Variants in ACTR3C observed in about 807,000 individuals in gnomAD.
ACTR3C encodes the protein actin-related protein 3C.
A neutral mutation model predicts 26.3 loss-of-function variants in ACTR3C; 18 were observed. The observed-to-expected ratio is 0.68, with a 90% CI of 0.47 to 1.01. The LOEUF (loss-of-function observed/expected upper bound fraction) is 1.01, where lower values mean the gene tolerates loss of function less well. Ranked by LOEUF, ACTR3C falls within the 50% of genes least tolerant of loss-of-function variation. The pLI, the probability that ACTR3C is intolerant of heterozygous loss-of-function variation, is 0.00. For synonymous variants in ACTR3C, 55 were observed against 94.5 expected (o/e 0.58, Z 2.42); for missense variants, 184 against 250.7 (o/e 0.73, Z 1.80).
At chr7:149,908,386 C>T in the ACTR3C span, among the ~76,000 whole-genome samples, 11 of 152,084 alleles carry the variant, frequency 7.2e-5, no homozygotes, top group African/African-American at 1.7e-4. Flanking sequence ...GGCAGCAGAG[C>T]GTTTAGATCT....
chr7:150,190,073 G>GT, the ACTR3C span, among the ~76,000 whole-genome samples: 1 of 152,180 alleles, frequency 6.6e-6, no homozygotes, highest in African/African-American at 2.4e-5. Flanking sequence ...TCAGCTTGTT[G>GT]TTTTGTTGTT....
the ACTR3C span, among the ~76,000 whole-genome samples, chr7:150,049,607 A>C: frequency 1.3e-5 from 2 of 152,384 alleles, no homozygotes; most frequent in African/African-American, 4.8e-5. Flanking sequence ...CATTGCCCCA[A>C]GCCCAGAGAG....
chr7:150,282,307 G>A (rs1020745060), intron 6 of ACTR3C, among the ~76,000 whole-genome samples: 6 of 151,952 alleles, frequency 3.9e-5, no homozygotes, highest in African/African-American at 1.5e-4. Flanking sequence ...CACACCAGAC[G>A]TGAACCACGT....
intron 6 of ACTR3C, among the ~76,000 whole-genome samples, chr7:150,250,754 G>A (rs2087440105): frequency 6.6e-6 from 1 of 151,892 alleles, no homozygotes; most frequent in Admixed American, 6.5e-5. Flanking sequence ...CACTAATTGA[G>A]GTGAAGAAGA....
the ACTR3C span, chr7:150,047,577 G>A: frequency 8.2e-6 from 8 of 973,976 alleles, no homozygotes; most frequent in Non-Finnish European, 9.8e-6. Context: ...CGGAGCCCCC[G>A]CCGCCGTCCC....
At chr7:150,306,755 C>G (rs1344726499) in intron 1 of ACTR3C, among the ~76,000 whole-genome samples, 1 of 152,180 alleles carries the variant, frequency 6.6e-6, no homozygotes, top group East Asian at 1.9e-4. Flanking sequence ...TTCTAGGTGT[C>G]TATCCTAGAA....
At chr7:150,235,355 G>C in the ACTR3C span, among the ~76,000 whole-genome samples, 3 of 152,096 alleles carry the variant, frequency 2.0e-5, no homozygotes, top group South Asian at 6.2e-4. Flanking sequence ...TTCCTCCATC[G>C]CTGCCCATTC....
At chr7:149,898,438 G>A in the ACTR3C span, among the ~76,000 whole-genome samples, 18 of 152,204 alleles carry the variant, frequency 1.2e-4, no homozygotes, top group Non-Finnish European at 2.2e-4. Flanking sequence ...GGGCGCAGTG[G>A]CTCACGCCTG....
chr7:150,006,391 G>A, the ACTR3C span, among the ~76,000 whole-genome samples: 1 of 147,448 alleles, frequency 6.8e-6, no homozygotes, highest in South Asian at 2.2e-4. Context: ...TAGAGACGGG[G>A]TTTCACTGTG....
chr7:150,194,142 G>A, the ACTR3C span, among the ~76,000 whole-genome samples: 19 of 149,014 alleles, frequency 1.3e-4, no homozygotes, highest in Admixed American at 2.7e-4. Flanking sequence ...TTAGGTGCAC[G>A]CATACATAGT....
chr7:150,220,713 G>C, the ACTR3C span, among the ~76,000 whole-genome samples: 4 of 152,280 alleles, frequency 2.6e-5, no homozygotes, highest in African/African-American at 9.6e-5. Context: ...AAGGGGTGGG[G>C]AAACCCGCGA....
the ACTR3C span, among the ~76,000 whole-genome samples, chr7:150,122,976 C>T: frequency 6.7e-6 from 1 of 149,816 alleles, no homozygotes; most frequent in Non-Finnish European, 1.5e-5. Flanking sequence ...TCTCAGCAAA[C>T]AAACAGGAAC....
the ACTR3C span, among the ~76,000 whole-genome samples, chr7:149,975,580 C>G: frequency 1.3e-5 from 2 of 151,902 alleles, no homozygotes; most frequent in East Asian, 3.9e-4. Flanking sequence ...ACATAGAGAA[C>G]AGAAAAACAG....
At chr7:150,089,415 C>T in the ACTR3C span, among the ~76,000 whole-genome samples, 1 of 152,192 alleles carries the variant, frequency 6.6e-6, no homozygotes, top group Admixed American at 6.5e-5. Flanking sequence ...AGTCATCTGT[C>T]CCAACATTAC....
the ACTR3C span, among the ~76,000 whole-genome samples, chr7:149,911,551 A>C: frequency 6.6e-6 from 1 of 152,128 alleles, no homozygotes; most frequent in Admixed American, 6.6e-5. Flanking sequence ...CAATATTTGC[A>C]AGAGGGATGC....
the ACTR3C span, among the ~76,000 whole-genome samples, chr7:149,939,460 T>C: frequency 8.5e-5 from 13 of 152,204 alleles, no homozygotes; most frequent in African/African-American, 3.1e-4. Context: ...TTACCCACGT[T>C]GTGCATACAT....
chr7:150,025,120 G>C, the ACTR3C span, among the ~76,000 whole-genome samples: 1 of 146,714 alleles, frequency 6.8e-6, no homozygotes, highest in Non-Finnish European at 1.5e-5. Context: ...GGAATGAACA[G>C]AACTGCAAGT....
chr7:149,991,875 G>A, the ACTR3C span, among the ~76,000 whole-genome samples: 7 of 152,144 alleles, frequency 4.6e-5, no homozygotes, highest in South Asian at 2.1e-4. Flanking sequence ...GACCGCAGGC[G>A]TGTGCCACCA....
At chr7:150,227,688 G>GTGTTTTTTTTTGT in the ACTR3C span, among the ~76,000 whole-genome samples, 1 of 111,388 alleles carries the variant, frequency 9.0e-6, no homozygotes, top group Non-Finnish European at 1.8e-5. Context: ...TTGTGTCTGG[G>GTGTTTTTTTTTGT]TTTTTTTTTT....
Sources: gnomAD v4.1 joint callset for allele counts (sites outside exome capture counted in the v4.1 genomes callset) on GRCh38, gnomAD v4.1.1 for gene constraint, MANE v1.5 for transcripts, NCBI Gene and HGNC (gene_info 2026-07-23, HGNC 2026-07-21) for gene names.